The following MYO3B variants were observed in gnomAD, a reference collection of about 807,000 sequenced individuals.
The protein encoded by MYO3B is myosin-IIIb.
A neutral mutation model predicts 174.6 loss-of-function variants in MYO3B; 156 were observed. The observed-to-expected ratio is 0.89, with a 90% CI of 0.78 to 1.02. The LOEUF (loss-of-function observed/expected upper bound fraction) is 1.02, where lower values mean the gene tolerates loss of function less well. MYO3B is among the 50% of genes least tolerant of loss of function. The pLI, the probability that MYO3B is intolerant of heterozygous loss-of-function variation, is 0.00. For synonymous variants in MYO3B, 563 were observed against 569.1 expected (o/e 0.99, Z 0.15); for missense variants, 1,632 against 1,639.4 (o/e 1.00, Z 0.08).
chr2:170,426,040 A>G (rs2094657938), intron 22 of MYO3B, among the ~76,000 whole-genome samples: 1 of 151,954 alleles, frequency 6.6e-6, no homozygotes, highest in South Asian at 2.1e-4. Flanking sequence ...ATATGAGACA[A>G]AAGTAAGTAG....
At chr2:170,181,872 A>T (rs903902601) in intron 1 of MYO3B, among the ~76,000 whole-genome samples, 3 of 152,120 alleles carry the variant, frequency 2.0e-5, no homozygotes, top group African/African-American at 7.2e-5. Flanking sequence ...GTTGTCTCAG[A>T]GTGCTTATTT....
chr2:170,463,994 A>G (rs1280518928), intron 24 of MYO3B, among the ~76,000 whole-genome samples: 3 of 152,208 alleles, frequency 2.0e-5, no homozygotes, highest in Admixed American at 6.5e-5. Context: ...TCTTCAAATT[A>G]TAAAGCGTTA....
intron 7 of MYO3B, among the ~76,000 whole-genome samples, chr2:170,306,269 G>A (rs949133695): frequency 3.3e-5 from 5 of 152,156 alleles, no homozygotes; most frequent in Admixed American, 1.3e-4. Context: ...CCACATATCC[G>A]CAAGATACTG....
chr2:170,270,295 G>A (rs1402891802), intron 7 of MYO3B, among the ~76,000 whole-genome samples: 1 of 152,180 alleles, frequency 6.6e-6, no homozygotes, highest in Non-Finnish European at 1.5e-5. Context: ...TCCACCCTCA[G>A]AACTAGTAAG....
At chr2:170,190,960 G>A (rs539206591) in intron 1 of MYO3B, among the ~76,000 whole-genome samples, 1 of 152,002 alleles carries the variant, frequency 6.6e-6, no homozygotes, top group Non-Finnish European at 1.5e-5. Flanking sequence ...TCACACCTGA[G>A]GCCAGCATGT....
intron 32 of MYO3B, among the ~76,000 whole-genome samples, chr2:170,563,456 A>T (rs1035626204): frequency 2.6e-5 from 4 of 152,188 alleles, no homozygotes; most frequent in Non-Finnish European, 4.4e-5. Context: ...AGACAACCCC[A>T]TAGGAAGGGA....
Position 170,651,815 on chromosome 2 carries a change from C to G in MYO3B, c.3840+81C>G, listed in dbSNP as rs1262443152. On this transcript the variant is annotated intron_variant, in intron 33 of 34. Coordinates refer to ENST00000408978, the MANE Select transcript of MYO3B (RefSeq NM_138995.5). Reference sequence around the variant, plus strand: ...TCTGTTATTACTACCTGTTCCAGCCCCTGCAGCCCCACCCCCACCCTCATG... The same window carrying G: ...TCTGTTATTACTACCTGTTCCAGCCGCTGCAGCCCCACCCCCACCCTCATG... 9 of 1,178,482 alleles carry G rather than the reference C, an allele frequency of 7.6e-6. No homozygotes were observed. In the Admixed American group the frequency reaches 1.4e-4, roughly 18 times the overall value. 73.0% of individuals were successfully genotyped at this position (1,178,482 alleles called of 1,614,324 possible). A position where few individuals can be genotyped will look rare whatever the true frequency, so the allele number is the denominator to read the frequency against.
At chr2:170,499,944 TTCC>T (rs1687148273) in intron 27 of MYO3B, 136 bp downstream of exon 27, 6 of 649,176 alleles carry the variant, frequency 9.2e-6, no homozygotes, top group Non-Finnish European at 1.5e-5. Context: ...CCTTCCTTCC[TTCC>T]TTCTTTCCTT....
chr2:170,416,600 C>A (rs142207315), intron 22 of MYO3B, among the ~76,000 whole-genome samples: 16 of 147,008 alleles, frequency 1.1e-4, no homozygotes, highest in African/African-American at 3.9e-4. Context: ...ATCCTCATCA[C>A]ACCTAGAATA....
chr2:170,254,307 T>TG, intron 7 of MYO3B, among the ~76,000 whole-genome samples: 1 of 152,292 alleles, frequency 6.6e-6, no homozygotes, highest in East Asian at 1.9e-4. Context: ...TACACTCATG[T>TG]GGGGCAGCTG....
chr2:170,477,334 T>G (rs891878667), intron 25 of MYO3B, among the ~76,000 whole-genome samples: 2 of 152,200 alleles, frequency 1.3e-5, no homozygotes, highest in East Asian at 3.8e-4. Flanking sequence ...CTCCATCCTC[T>G]GTGCTCCCAC....
intron 32 of MYO3B, chr2:170,643,944 T>A (rs1336494840): frequency 6.6e-6 from 1 of 152,212 alleles, no homozygotes; most frequent in East Asian, 1.9e-4. Context: ...AACTGGCACA[T>A]CTGTAGCAGG....
chr2:170,427,589 C>T (rs2094674963), intron 22 of MYO3B, among the ~76,000 whole-genome samples: 1 of 152,136 alleles, frequency 6.6e-6, no homozygotes, highest in Non-Finnish European at 1.5e-5. Flanking sequence ...ATGAGTAATG[C>T]TGGCCAATTG....
intron 7 of MYO3B, chr2:170,334,225 A>G (rs2093931527): frequency 6.6e-6 from 1 of 152,254 alleles, no homozygotes; most frequent in Admixed American, 6.5e-5. Context: ...CTATTTATAT[A>G]TCATTGACTA....
intron 32 of MYO3B, among the ~76,000 whole-genome samples, chr2:170,623,188 A>G (rs544198630): frequency 6.6e-6 from 1 of 152,318 alleles, no homozygotes; most frequent in African/African-American, 2.4e-5. Context: ...CAGTCCCACC[A>G]ACAGTGTAAA....
At chr2:170,255,170 T>C (rs1012438762) in intron 7 of MYO3B, among the ~76,000 whole-genome samples, 2 of 152,044 alleles carry the variant, frequency 1.3e-5, no homozygotes, top group Admixed American at 6.5e-5. Flanking sequence ...AATGAGTGGG[T>C]CTCCTTGTGA....
chr2:170,605,458 G>A (rs1021339414), intron 32 of MYO3B, among the ~76,000 whole-genome samples: 2 of 152,166 alleles, frequency 1.3e-5, no homozygotes, highest in African/African-American at 4.8e-5. Context: ...TCTCCACTCA[G>A]ATGTTTCCAG....
chr2:170,187,064 CA>C, intron 1 of MYO3B, among the ~76,000 whole-genome samples: 1 of 149,626 alleles, frequency 6.7e-6, no homozygotes, highest in East Asian at 2.0e-4. Context: ...TTTCAAAAAA[CA>C]AAAAGGTTTG....
At chr2:170,273,728 A>G (rs1191246001) in intron 7 of MYO3B, among the ~76,000 whole-genome samples, 1 of 135,948 alleles carries the variant, frequency 7.4e-6, no homozygotes, top group Non-Finnish European at 1.6e-5. Context: ...ACCTTCCTCA[A>G]ACCCGTCAAG....
Sources: gnomAD v4.1 joint callset for allele counts (sites outside exome capture counted in the v4.1 genomes callset) on GRCh38, gnomAD v4.1.1 for gene constraint, MANE v1.5 for transcripts, NCBI Gene and HGNC (gene_info 2026-07-23, HGNC 2026-07-21) for gene names.